Variants in PTPRD observed in about 807,000 individuals in gnomAD.
The protein encoded by PTPRD is protein tyrosine phosphatase receptor type D, also known as receptor-type tyrosine-protein phosphatase delta.
PTPRD carries 34 observed loss-of-function variants against 214.5 expected under a neutral mutation model. The observed-to-expected ratio is 0.16, with a 90% CI of 0.12 to 0.21. The LOEUF (loss-of-function observed/expected upper bound fraction) is 0.21. Among genes scored for constraint, PTPRD ranks in the 10% least tolerant of loss-of-function variants. The pLI is 1.00. For synonymous variants in PTPRD, 1,128 were observed against 845.7 expected (o/e 1.33, Z -5.79); for missense variants, 2,545 against 2,398.7 (o/e 1.06, Z -1.27).
At chr9:8,909,641 C>G (rs1428568793) in intron 11 of PTPRD, among the ~76,000 whole-genome samples, 1 of 152,022 alleles carries the variant, frequency 6.6e-6, no homozygotes, top group South Asian at 2.1e-4. Flanking sequence ...TAGCATAATA[C>G]ATAATGATGA....
chr9:9,579,823 T>C (rs1323426431), intron 7 of PTPRD, among the ~76,000 whole-genome samples: 1 of 152,138 alleles, frequency 6.6e-6, no homozygotes, highest in Non-Finnish European at 1.5e-5. Flanking sequence ...ATTGTACCCA[T>C]TAAGTAATTT....
At chr9:9,180,177 G>A (rs1339600219) in intron 10 of PTPRD, among the ~76,000 whole-genome samples, 1 of 151,460 alleles carries the variant, frequency 6.6e-6, no homozygotes, top group African/African-American at 2.4e-5. Context: ...ATTCACAATA[G>A]CAAAGACTTG....
chr9:8,603,835 G>C (rs930049214), intron 14 of PTPRD, among the ~76,000 whole-genome samples: 1 of 152,090 alleles, frequency 6.6e-6, no homozygotes, highest in East Asian at 1.9e-4. Context: ...TCACAATTTA[G>C]TTATAGTGAA....
chr9:8,777,425 A>G (rs531808040), intron 11 of PTPRD, among the ~76,000 whole-genome samples: 2 of 152,342 alleles, frequency 1.3e-5, no homozygotes, highest in Non-Finnish European at 2.9e-5. Flanking sequence ...ACAGCAAGAC[A>G]TTTTTACGTA....
chr9:10,142,518 G>T (rs1329424216), intron 3 of PTPRD, among the ~76,000 whole-genome samples: 1 of 152,042 alleles, frequency 6.6e-6, no homozygotes, highest in Admixed American at 6.6e-5. Flanking sequence ...AAAAACACAT[G>T]AAAAAATGCT....
At chr9:10,420,494 C>T (rs2098535987) in intron 2 of PTPRD, among the ~76,000 whole-genome samples, 1 of 151,782 alleles carries the variant, frequency 6.6e-6, no homozygotes, top group African/African-American at 2.4e-5. Context: ...TAATCTCTTG[C>T]TGAGCAATTA....
chr9:10,420,034 T>C (rs752296047), intron 2 of PTPRD, among the ~76,000 whole-genome samples: 2 of 151,790 alleles, frequency 1.3e-5, no homozygotes, highest in Admixed American at 6.6e-5. Context: ...GATGTCTTTA[T>C]ACTGTTTAAT....
At chr9:9,346,251 C>G (rs1224478007) in intron 9 of PTPRD, among the ~76,000 whole-genome samples, 1 of 152,012 alleles carries the variant, frequency 6.6e-6, no homozygotes, top group African/African-American at 2.4e-5. Context: ...AAGATTCTTC[C>G]AGATATTTGA....
chr9:8,391,449 T>C (rs932098931), intron 36 of PTPRD, among the ~76,000 whole-genome samples: 1 of 152,116 alleles, frequency 6.6e-6, no homozygotes, highest in African/African-American at 2.4e-5. Flanking sequence ...TTGATAAAGA[T>C]CCTATTCCTC....
At chr9:9,809,263 GAT>G (rs1491192288) in intron 5 of PTPRD, among the ~76,000 whole-genome samples, 3 of 138,612 alleles carry the variant, frequency 2.2e-5, no homozygotes, top group Non-Finnish European at 4.6e-5. Context: ...AGCCACAAGA[GAT>G]TTTTTTTTTT....
At chr9:9,310,619 G>A (rs937139608) in intron 9 of PTPRD, among the ~76,000 whole-genome samples, 1 of 152,056 alleles carries the variant, frequency 6.6e-6, no homozygotes, top group African/African-American at 2.4e-5. Context: ...CATTTTCACA[G>A]ATAATCTCAC....
intron 2 of PTPRD, among the ~76,000 whole-genome samples, chr9:10,605,271 T>C (rs115958393): frequency 0.013 from 1,961 of 151,980 alleles, 34 homozygotes; most frequent in African/African-American, 0.044. Context: ...ATGCTTTGGT[T>C]ATAGCTGAAA....
intron 9 of PTPRD, among the ~76,000 whole-genome samples, chr9:9,331,398 T>TCA (rs1299769186): frequency 6.6e-6 from 1 of 152,098 alleles, no homozygotes; most frequent in Admixed American, 6.6e-5. Context: ...AGGTGGTAGA[T>TCA]CACTGGCAGG....
At chr9:9,138,371 T>C (rs1163797966) in intron 10 of PTPRD, among the ~76,000 whole-genome samples, 1 of 152,152 alleles carries the variant, frequency 6.6e-6, no homozygotes, top group African/African-American at 2.4e-5. Context: ...TCAATGACTG[T>C]TATGTACAAT....
intron 14 of PTPRD, among the ~76,000 whole-genome samples, chr9:8,546,989 T>C (rs2080355252): frequency 6.6e-6 from 1 of 152,230 alleles, no homozygotes; most frequent in African/African-American, 2.4e-5. Flanking sequence ...ACTCCTAACA[T>C]TAACCTGTCT....
chr9:8,396,766 A>C (rs1023757324), intron 36 of PTPRD, among the ~76,000 whole-genome samples: 1 of 152,154 alleles, frequency 6.6e-6, no homozygotes, highest in African/African-American at 2.4e-5. Context: ...TAAGAGAAAG[A>C]TGCCATTTAC....
At chr9:8,949,534 G>A (rs370946481) in intron 11 of PTPRD, among the ~76,000 whole-genome samples, 29 of 151,916 alleles carry the variant, frequency 1.9e-4, no homozygotes, top group African/African-American at 6.3e-4. Context: ...CTAGAAACTC[G>A]CTAACTTTTG....
intron 3 of PTPRD, among the ~76,000 whole-genome samples, chr9:10,293,216 G>A (rs1473039265): frequency 6.6e-6 from 1 of 151,652 alleles, no homozygotes; most frequent in Non-Finnish European, 1.5e-5. Flanking sequence ...CAACTAGAAA[G>A]TTCAAGAAAA....
At chr9:9,353,195 T>G (rs1486419151) in intron 9 of PTPRD, among the ~76,000 whole-genome samples, 1 of 151,904 alleles carries the variant, frequency 6.6e-6, no homozygotes, top group African/African-American at 2.4e-5. Flanking sequence ...AGTATCTTGA[T>G]TCAGGTTACC....
Sources: gnomAD v4.1 joint callset for allele counts (sites outside exome capture counted in the v4.1 genomes callset) on GRCh38, gnomAD v4.1.1 for gene constraint, MANE v1.5 for transcripts, NCBI Gene and HGNC (gene_info 2026-07-23, HGNC 2026-07-21) for gene names.